The following CNTN4 variants were observed in gnomAD, a reference collection of about 807,000 sequenced individuals.
CNTN4 encodes the protein contactin-4.
In CNTN4, 77 loss-of-function variants were observed where a neutral mutation model predicts 122.5. That is an observed-to-expected ratio of 0.63 (90% CI 0.52 to 0.76). The LOEUF is 0.76. CNTN4 is among the 30% of genes least tolerant of loss of function. CNTN4 has a pLI of 0.00. For missense variants in CNTN4, 1,256 were observed against 1,259.1 expected (o/e 1.00, Z 0.04); for synonymous variants, 512 against 447.0 (o/e 1.15, Z -1.83).
intron 6 of CNTN4, among the ~76,000 whole-genome samples, chr3:2,774,549 G>T (rs1391350032): frequency 2.0e-5 from 3 of 152,036 alleles, no homozygotes; most frequent in African/African-American, 7.3e-5. Context: ...CACTCCATTA[G>T]CTCCTGTGAA....
intron 6 of CNTN4, among the ~76,000 whole-genome samples, chr3:2,751,555 T>C (rs2090092506): frequency 6.6e-6 from 1 of 152,098 alleles, no homozygotes; most frequent in African/African-American, 2.4e-5. Flanking sequence ...CATAGACGAA[T>C]AAATCAGAAG....
At chr3:2,746,086 TACACAC>T (rs57086556) in intron 6 of CNTN4, among the ~76,000 whole-genome samples, 31 of 46,224 alleles carry the variant, frequency 6.7e-4, no homozygotes, top group East Asian at 2.1e-3. Context: ...GAACAAATTT[TACACAC>T]ACACACACAC....
At chr3:2,460,554 A>T (rs1193733851) in intron 3 of CNTN4, among the ~76,000 whole-genome samples, 2 of 152,158 alleles carry the variant, frequency 1.3e-5, no homozygotes, top group South Asian at 2.1e-4. Flanking sequence ...TCTGACGTAC[A>T]TGACCCCTTT....
intron 3 of CNTN4, among the ~76,000 whole-genome samples, chr3:2,365,154 A>T (rs1340149115): frequency 1.3e-5 from 2 of 152,084 alleles, no homozygotes; most frequent in Non-Finnish European, 2.9e-5. Flanking sequence ...CCTTGTAACG[A>T]GTACAGGTAA....
intron 2 of CNTN4, among the ~76,000 whole-genome samples, chr3:2,162,541 G>C (rs536717997): frequency 4.8e-4 from 73 of 152,246 alleles, no homozygotes; most frequent in Non-Finnish European, 7.9e-4. Flanking sequence ...CTCAAATCTT[G>C]AGGAGTCTCC....
intron 13 of CNTN4, among the ~76,000 whole-genome samples, chr3:2,978,804 C>T (rs1693672346): frequency 6.6e-6 from 1 of 152,152 alleles, no homozygotes; most frequent in Admixed American, 6.5e-5. Flanking sequence ...AGCCAGGCCT[C>T]CTGTGACAGC....
chr3:2,852,755 G>C (rs775313377), intron 7 of CNTN4, among the ~76,000 whole-genome samples: 1 of 152,080 alleles, frequency 6.6e-6, no homozygotes, highest in Admixed American at 6.6e-5. Context: ...ATACTTGACC[G>C]GTTATAAATA....
At chr3:2,861,310 TC>T (rs2093669519) in intron 7 of CNTN4, among the ~76,000 whole-genome samples, 1 of 152,172 alleles carries the variant, frequency 6.6e-6, no homozygotes, top group East Asian at 1.9e-4. Flanking sequence ...CCAACCCCTG[TC>T]TTTGTAACTG....
chr3:2,337,317 T>A (rs72992085), intron 2 of CNTN4, among the ~76,000 whole-genome samples: 2 of 152,304 alleles, frequency 1.3e-5, no homozygotes, highest in Non-Finnish European at 2.9e-5. Context: ...GGCAAGTATT[T>A]GGGAACATAT....
intron 13 of CNTN4, among the ~76,000 whole-genome samples, chr3:2,931,386 CAG>C (rs1009026771): frequency 2.0e-5 from 3 of 152,128 alleles, no homozygotes; most frequent in Non-Finnish European, 2.9e-5. Flanking sequence ...CAGTAGTAAA[CAG>C]AGAAGGAGCA....
At chr3:2,512,906 G>C (rs1386146780) in intron 3 of CNTN4, among the ~76,000 whole-genome samples, 1 of 152,172 alleles carries the variant, frequency 6.6e-6, no homozygotes, top group African/African-American at 2.4e-5. Flanking sequence ...GGTGAGGACA[G>C]AGTATGTTCT....
intron 10 of CNTN4, among the ~76,000 whole-genome samples, chr3:2,893,739 G>A (rs1399696392): frequency 2.6e-5 from 4 of 152,108 alleles, no homozygotes; most frequent in Non-Finnish European, 5.9e-5. Flanking sequence ...CCCAGAGAAG[G>A]CAAAATGTCA....
At chr3:2,637,286 A>G (rs1475160308) in intron 4 of CNTN4, among the ~76,000 whole-genome samples, 1 of 151,978 alleles carries the variant, frequency 6.6e-6, no homozygotes, top group Non-Finnish European at 1.5e-5. Flanking sequence ...ATTTTTTTAA[A>G]TAAGCTAATT....
intron 2 of CNTN4, among the ~76,000 whole-genome samples, chr3:2,323,649 T>G (rs1316030930): frequency 2.0e-5 from 3 of 152,184 alleles, no homozygotes; most frequent in Non-Finnish European, 4.4e-5. Context: ...CTTTGATGCT[T>G]TCTTTTTTCC....
At chr3:2,311,619 C>T (rs2042919866) in intron 2 of CNTN4, among the ~76,000 whole-genome samples, 1 of 152,046 alleles carries the variant, frequency 6.6e-6, no homozygotes, top group African/African-American at 2.4e-5. Flanking sequence ...TTTGGTCACT[C>T]AGCAGGAATA....
intron 3 of CNTN4, among the ~76,000 whole-genome samples, chr3:2,527,446 T>G (rs570990594): frequency 1.2e-3 from 187 of 152,380 alleles, no homozygotes; most frequent in African/African-American, 4.3e-3. Context: ...TTGCTGTTAT[T>G]GTTGCTGCGG....
At chr3:2,521,926 A>G (rs1373039889) in intron 3 of CNTN4, among the ~76,000 whole-genome samples, 2 of 152,120 alleles carry the variant, frequency 1.3e-5, no homozygotes, top group Non-Finnish European at 2.9e-5. Flanking sequence ...ATCACTAAAG[A>G]GAGTTGGCTC....
At position 2,209,538 on chromosome 3, in the gene CNTN4, G is replaced by A. The variant is rs191142257; in HGVS notation, c.-145+108899G>A. On this transcript the variant is annotated intron_variant, in intron 2 of 24. Transcript: ENST00000418658. ...CTCCCTAGTAACAAAAAAGGTCCCT[G>A]TTTTTTAAGCACTGTGGTCTCCTTC... Among the ~76,000 whole-genome samples the A allele has an allele frequency of 3.3e-5, 5 of 152,174 alleles. No individual in the cohort carries two copies. The East Asian group carries it at 9.7e-4, about 29-fold the overall frequency.
At chr3:2,346,695 C>T (rs1403474603) in intron 3 of CNTN4, among the ~76,000 whole-genome samples, 1 of 152,094 alleles carries the variant, frequency 6.6e-6, no homozygotes, top group Non-Finnish European at 1.5e-5. Flanking sequence ...ATGAAATCTG[C>T]TGTTAGTCAA....
Sources: gnomAD v4.1 joint callset for allele counts (sites outside exome capture counted in the v4.1 genomes callset) on GRCh38, gnomAD v4.1.1 for gene constraint, MANE v1.5 for transcripts, NCBI Gene and HGNC (gene_info 2026-07-23, HGNC 2026-07-21) for gene names.